ANK3: variants seen among roughly 807,000 people sequenced by gnomAD.
The protein encoded by ANK3 is ankyrin-3.
ANK3 carries 57 observed loss-of-function variants against 370.9 expected under a neutral mutation model. The ratio of observed to expected loss-of-function variants is 0.15; its 90% CI spans 0.12 to 0.19. The LOEUF (loss-of-function observed/expected upper bound fraction) is 0.19. Ranked by LOEUF, ANK3 falls within the 10% of genes least tolerant of loss-of-function variation. ANK3 has a pLI of 1.00. For missense variants in ANK3, 4,439 were observed against 5,302.1 expected, an observed-to-expected ratio of 0.84 and a Z score of 5.06; for synonymous variants, 1,929 against 1,946.3, an observed-to-expected ratio of 0.99 and a Z score of 0.23.
chr10:60,076,183 G>A lies in ANK3; in HGVS notation c.4698C>T (p.Asp1566=), dbSNP rs774722301. The A allele has an allele frequency of 9.3e-6, 15 of 1,614,050 alleles. No individual in the cohort carries two copies. Among genetic ancestry groups the A allele is most frequent in the South Asian group, 3.3e-5 (3 of 91,094 alleles). ...GAAAGGATCTAATTGGAGATGCCAC[G>A]TCACTAATGGATTTAACTGAAGATG... ...STTSSVKSIS[D]VASPIRSFRT... is the part of the protein sequence containing the mutation. The change falls in exon 37 of 44, where the codon GAC becomes GAT. Residue 1566 remains aspartate (D), a synonymous_variant. Coordinates refer to ENST00000280772, the MANE Select transcript of ANK3 (RefSeq NM_020987.5).
intron 1 of ANK3, among the ~76,000 whole-genome samples, chr10:60,299,442 C>T (rs567277121): frequency 2.6e-5 from 4 of 152,246 alleles, no homozygotes; most frequent in East Asian, 1.9e-4. Context: ...TATGATGTCT[C>T]GTTCTAGTCA....
chr10:60,091,191 C>T (rs927997550), intron 28 of ANK3, among the ~76,000 whole-genome samples: 4 of 152,236 alleles, frequency 2.6e-5, no homozygotes, highest in Non-Finnish European at 5.9e-5. Context: ...CAGGCATGAG[C>T]CACAGCACCC....
At chr10:60,506,975 G>A (rs1351288510) in intron 2 of ANK3, among the ~76,000 whole-genome samples, 1 of 151,872 alleles carries the variant, frequency 6.6e-6, no homozygotes, top group African/African-American at 2.4e-5. Context: ...AATTTGTTGT[G>A]AAAATAACCA....
intron 2 of ANK3, among the ~76,000 whole-genome samples, chr10:60,581,418 CTTTTT>C (rs56317709): frequency 0.65 from 80,258 of 122,936 alleles, 26,523 homozygotes; most frequent in South Asian, 0.85. Flanking sequence ...GTATTTTGCC[CTTTTT>C]TTTTTTTTTT....
At chr10:60,665,881 G>C (rs1460439432) in intron 1 of ANK3, among the ~76,000 whole-genome samples, 1 of 152,076 alleles carries the variant, frequency 6.6e-6, no homozygotes, top group East Asian at 1.9e-4. Flanking sequence ...ACACTCATTA[G>C]GATCACTACT....
intron 1 of ANK3, among the ~76,000 whole-genome samples, chr10:60,328,546 G>T (rs12572120): frequency 0.39 from 59,094 of 151,884 alleles, 12,264 homozygotes; most frequent in Middle Eastern, 0.52. Flanking sequence ...TAGAAGAAAT[G>T]GATAAATTCC....
At chr10:60,176,935 T>G (rs147728893) in intron 18 of ANK3, among the ~76,000 whole-genome samples, 2 of 152,228 alleles carry the variant, frequency 1.3e-5, no homozygotes, top group Admixed American at 1.3e-4. Flanking sequence ...TTTCTCTAGG[T>G]TTCTATCCTT....
At chr10:60,416,440 T>C (rs1317880099) in intron 2 of ANK3, among the ~76,000 whole-genome samples, 1 of 152,200 alleles carries the variant, frequency 6.6e-6, no homozygotes, top group Non-Finnish European at 1.5e-5. Context: ...TTATTATATC[T>C]CAAATGTGGT....
chr10:60,446,405 C>T (rs1455018243), intron 2 of ANK3, among the ~76,000 whole-genome samples: 5 of 152,084 alleles, frequency 3.3e-5, no homozygotes, highest in African/African-American at 1.2e-4. Flanking sequence ...CTGGGTAGTG[C>T]CTGATATTGC....
In ANK3 at chr10:60,201,283, C is replaced by T. The variant is rs530091824; in HGVS notation, c.1393-1056G>A. 2.0e-5 allele frequency among the ~76,000 whole-genome samples: 3 copies of T among 152,304 alleles called. 1 individual carries two copies. The highest frequency in any genetic ancestry group is 7.2e-5 in the African/African-American group (3 of 41,558). On this transcript the variant is annotated intron_variant, in intron 12 of 43. Coordinates refer to ENST00000280772, the MANE Select transcript of ANK3 (RefSeq NM_020987.5). ...ATCTCAGAAGCTGGCCTATTTCTAT[C>T]TTTTGGTTGTACTGCTTGGGGCTGC...
intron 1 of ANK3, among the ~76,000 whole-genome samples, chr10:60,319,285 G>A (rs970280392): frequency 3.3e-5 from 5 of 152,074 alleles, no homozygotes; most frequent in Non-Finnish European, 7.4e-5. Context: ...CTCTGGGCAG[G>A]TTTATTATTA....
intron 1 of ANK3, among the ~76,000 whole-genome samples, chr10:60,620,791 GAT>G (rs1491427569): frequency 2.0e-5 from 3 of 152,042 alleles, no homozygotes; most frequent in African/African-American, 7.2e-5. Flanking sequence ...TTAAAGTAGT[GAT>G]TTTTTTAATG....
intron 2 of ANK3, among the ~76,000 whole-genome samples, chr10:60,560,071 A>C (rs184805294): frequency 6.6e-6 from 1 of 152,226 alleles, no homozygotes; most frequent in Admixed American, 6.5e-5. Context: ...ATGGATAGAG[A>C]GAGAGAGAGA....
intron 1 of ANK3, among the ~76,000 whole-genome samples, chr10:60,622,534 C>A (rs1043003993): frequency 6.6e-5 from 10 of 152,104 alleles, no homozygotes; most frequent in African/African-American, 1.2e-4. Flanking sequence ...AGCCACCGTG[C>A]CCAGCTACCT....
rs577251915 is a variant in ANK3, at chr10:60,596,470, C to T, written c.96+18716G>A. ...CAGTTGCAGCCATTACCTTACTATA[C>T]GCTATGGTAGAATCAACTCTTATTT... On this transcript the variant is annotated intron_variant, in intron 2 of 43. Coordinates refer to the ANK3 transcript ENST00000373827. Among the ~76,000 whole-genome samples the T allele has an allele frequency of 4.6e-5, 7 of 152,216 alleles. No homozygotes were observed. In the South Asian group the frequency reaches 8.3e-4, roughly 18 times the overall value.
intron 1 of ANK3, among the ~76,000 whole-genome samples, chr10:60,639,689 A>C (rs2078603447): frequency 6.6e-6 from 1 of 151,970 alleles, no homozygotes; most frequent in Non-Finnish European, 1.5e-5. Flanking sequence ...CAAACCACTA[A>C]AGTAAATAAC....
At chr10:60,715,674 T>C (rs1314457223) in intron 1 of ANK3, among the ~76,000 whole-genome samples, 1 of 152,212 alleles carries the variant, frequency 6.6e-6, no homozygotes, top group Admixed American at 6.5e-5. Context: ...TTTCAGATAT[T>C]ACAGTAGTAA....
chr10:60,189,865 T>C (rs961151885), intron 16 of ANK3, among the ~76,000 whole-genome samples: 3 of 152,214 alleles, frequency 2.0e-5, no homozygotes, highest in Non-Finnish European at 4.4e-5. Context: ...AGCATTTAAA[T>C]CATATTTTAA....
chr10:60,246,268 AAAAAAAAAAAAAAG>A (rs2097551659), intron 7 of ANK3, among the ~76,000 whole-genome samples: 1 of 148,728 alleles, frequency 6.7e-6, no homozygotes, highest in Non-Finnish European at 1.5e-5. Context: ...AAAAAAAAAA[AAAAAAAAAAAAAAG>A]AAAAAAGAAA....
Sources: allele counts gnomAD v4.1 joint callset (sites outside exome capture counted in the v4.1 genomes callset), GRCh38; gene constraint gnomAD v4.1.1; transcripts MANE v1.5; gene names NCBI Gene and HGNC (gene_info 2026-07-23, HGNC 2026-07-21).